Variants in UPRT observed in about 807,000 individuals in gnomAD.
The protein encoded by UPRT is RP11-311P8.3.
In UPRT, 5 loss-of-function variants were observed where a neutral mutation model predicts 22.6. That is an observed-to-expected ratio of 0.22 (90% CI 0.12 to 0.47). UPRT has a LOEUF of 0.47. Ranked by LOEUF, UPRT falls within the 20% of genes least tolerant of loss-of-function variation. UPRT has a pLI of 0.99. For synonymous variants in UPRT, 77 were observed against 87.7 expected (o/e 0.88, Z 0.68); for missense variants, 181 against 239.9 (o/e 0.75, Z 1.62).
chrX:75,206,866 G>A (rs745791893), intron 4 of UPRT, among the ~76,000 whole-genome samples: 5 of 111,430 alleles, frequency 4.5e-5, no homozygotes, highest in African/African-American at 1.6e-4. Flanking sequence ...GGGTTTCACC[G>A]TGTTAGCTAG....
chrX:75,181,985 T>A (rs1017602688), intron 4 of UPRT, among the ~76,000 whole-genome samples: 2 of 112,136 alleles, frequency 1.8e-5, no homozygotes, highest in African/African-American at 6.5e-5. Context: ...AGTGGGTTAG[T>A]CATAGATGGC....
intron 4 of UPRT, among the ~76,000 whole-genome samples, chrX:75,197,285 T>C (rs2082335522): frequency 8.9e-6 from 1 of 111,936 alleles, no homozygotes; most frequent in South Asian, 3.7e-4. Context: ...ACCCGCTTCA[T>C]CCTATGACTT....
chrX:75,178,777 C>T (rs897443932), intron 4 of UPRT, among the ~76,000 whole-genome samples: 1 of 110,889 alleles, frequency 9.0e-6, no homozygotes, highest in Non-Finnish European at 1.9e-5. Flanking sequence ...ATAAAAGCAG[C>T]GTGGACCTAA....
intron 4 of UPRT, among the ~76,000 whole-genome samples, chrX:75,192,126 C>T (rs1399507881): frequency 8.9e-6 from 1 of 111,898 alleles, no homozygotes; most frequent in Non-Finnish European, 1.9e-5. Context: ...CTTCTTAACA[C>T]TGCTTTGTTT....
At chrX:75,225,754 T>C (rs953525388) in intron 4 of UPRT, among the ~76,000 whole-genome samples, 4 of 111,851 alleles carry the variant, frequency 3.6e-5, no homozygotes, top group Non-Finnish European at 3.8e-5. Context: ...CAGAAGTCAA[T>C]CCCTCAGAGG....
intron 4 of UPRT, among the ~76,000 whole-genome samples, chrX:75,214,057 G>A (rs2082386454): frequency 1.8e-5 from 2 of 111,724 alleles, no homozygotes; most frequent in Middle Eastern, 4.6e-3. Context: ...CAAAACATTC[G>A]CCAAGACTGA....
intron 4 of UPRT, among the ~76,000 whole-genome samples, chrX:75,207,380 A>C (rs769710054): frequency 3.6e-5 from 4 of 111,753 alleles, no homozygotes; most frequent in Non-Finnish European, 5.6e-5. Context: ...CAGCAATGAT[A>C]GTATAGCCAT....
intron 4 of UPRT, among the ~76,000 whole-genome samples, chrX:75,241,676 A>T (rs780987559): frequency 1.8e-5 from 2 of 111,894 alleles, no homozygotes; most frequent in East Asian, 5.6e-4. Context: ...ACCAGAATAA[A>T]TGCCCATCAA....
chrX:75,184,714 G>C (rs1298860251), intron 4 of UPRT, among the ~76,000 whole-genome samples: 1 of 108,919 alleles, frequency 9.2e-6, no homozygotes, highest in Non-Finnish European at 1.9e-5. Flanking sequence ...GCAGTGGTTT[G>C]TAGTTATCCT....
At chrX:75,201,199 C>T (rs1363035115) in intron 4 of UPRT, among the ~76,000 whole-genome samples, 1 of 111,978 alleles carries the variant, frequency 8.9e-6, no homozygotes, top group Admixed American at 9.5e-5. Flanking sequence ...AAATGCTTAC[C>T]CTTTAGAACC....
chrX:75,220,904 AT>A (rs1351972528), intron 4 of UPRT, among the ~76,000 whole-genome samples: 1 of 111,799 alleles, frequency 8.9e-6, no homozygotes, highest in African/African-American at 3.2e-5. Flanking sequence ...ACTCACTATT[AT>A]CAGTGAGTTT....
At chrX:75,289,457 T>C (rs1229599943) in intron 1 of UPRT, among the ~76,000 whole-genome samples, 1 of 107,144 alleles carries the variant, frequency 9.3e-6, no homozygotes, top group Admixed American at 9.9e-5. Flanking sequence ...AAAAAAAAAC[T>C]ATTCTGAAAT....
At chrX:75,200,305 C>A (rs1179960560) in intron 4 of UPRT, among the ~76,000 whole-genome samples, 1 of 112,255 alleles carries the variant, frequency 8.9e-6, no homozygotes, top group African/African-American at 3.2e-5. Context: ...CAGAATTATT[C>A]TTTTTTGGCT....
intron 4 of UPRT, among the ~76,000 whole-genome samples, chrX:75,261,365 T>C (rs1313392601): frequency 1.8e-5 from 2 of 111,806 alleles, no homozygotes; most frequent in African/African-American, 6.5e-5. Context: ...AAATACAAAC[T>C]ACCATCAGAG....
intron 4 of UPRT, among the ~76,000 whole-genome samples, chrX:75,256,397 C>G (rs1351660867): frequency 9.0e-6 from 1 of 111,169 alleles, no homozygotes; most frequent in African/African-American, 3.3e-5. Context: ...CCATAAACAC[C>G]TACATCAGAA....
chrX:75,237,078 C>A (rs1299139842), intron 4 of UPRT, among the ~76,000 whole-genome samples: 1 of 111,993 alleles, frequency 8.9e-6, no homozygotes, highest in African/African-American at 3.2e-5. Flanking sequence ...TCAGAATCTA[C>A]AATGAACTCA....
intron 4 of UPRT, among the ~76,000 whole-genome samples, chrX:75,211,370 G>T (rs1224394592): frequency 9.0e-6 from 1 of 111,213 alleles, no homozygotes; most frequent in Non-Finnish European, 1.9e-5. Context: ...CCCTGAGAAG[G>T]CAGGCCGTGG....
Position 75,193,845 on chromosome X carries a change from G to A in UPRT, c.-447+25966G>A, listed in dbSNP as rs755050887. 4.5e-5 allele frequency among the ~76,000 whole-genome samples: 5 copies of A among 111,148 alleles called. No homozygotes were observed. In the Admixed American group the frequency reaches 4.8e-4, roughly 11 times the overall value. Reference sequence around the variant, plus strand: ...CTTATAATTGCCATTTCATCTATCAGCTTCTGTATCATTTTATTATAATCC... The same window carrying A: ...CTTATAATTGCCATTTCATCTATCAACTTCTGTATCATTTTATTATAATCC... On this transcript the variant is annotated intron_variant, in intron 4 of 13. Coordinates refer to the UPRT transcript ENST00000652605.
intron 2 of UPRT, among the ~76,000 whole-genome samples, chrX:75,294,988 A>T (rs1177876654): frequency 9.0e-6 from 1 of 111,059 alleles, no homozygotes; most frequent in African/African-American, 3.3e-5. Context: ...CTGAGGGGAT[A>T]ATGATTTGGA....
Sources: allele counts gnomAD v4.1 joint callset (sites outside exome capture counted in the v4.1 genomes callset), GRCh38; gene constraint gnomAD v4.1.1; transcripts MANE v1.5; gene names NCBI Gene and HGNC (gene_info 2026-07-23, HGNC 2026-07-21).